The following MPP3 variants were observed in gnomAD, a reference collection of about 807,000 sequenced individuals.
MPP3 encodes the protein MAGUK p55 scaffold protein 3, also known as MAGUK p55 subfamily member 3.
A neutral mutation model predicts 80.7 loss-of-function variants in MPP3; 48 were observed. The observed-to-expected ratio is 0.59, with a 90% CI of 0.47 to 0.76. The LOEUF (loss-of-function observed/expected upper bound fraction) is 0.76. MPP3 is among the 30% of genes least tolerant of loss of function. The probability of loss-of-function intolerance (pLI) is 0.00; values close to 1 mark genes in which losing one functional copy is unlikely to be tolerated. For missense variants in MPP3, 620 were observed against 763.0 expected (o/e 0.81, Z 2.21); for synonymous variants, 311 against 297.6 (o/e 1.04, Z -0.46).
intron 11 of MPP3, among the ~76,000 whole-genome samples, chr17:43,820,605 TACACACAC>T (rs61249899): frequency 0.044 from 5,495 of 125,256 alleles, 375 homozygotes; most frequent in African/African-American, 0.15. Flanking sequence ...AAAAAAAAAA[TACACACAC>T]ACACACACAC....
chr17:43,816,341 G>C (rs2045129835), intron 13 of MPP3, among the ~76,000 whole-genome samples: 1 of 152,228 alleles, frequency 6.6e-6, no homozygotes, highest in South Asian at 2.1e-4. Flanking sequence ...CCCTGAGTGT[G>C]AGCAGTGTGA....
intron 14 of MPP3, 180 bp from the exon 15 acceptor site, chr17:43,814,541 T>G: frequency 1.8e-6 from 1 of 564,038 alleles, no homozygotes; most frequent in Non-Finnish European, 3.0e-6. Flanking sequence ...GATGAAAGGG[T>G]GACCCCTGCA....
At chr17:43,803,037 GA>G (rs2044476605) in intron 19 of MPP3, among the ~76,000 whole-genome samples, 2 of 152,136 alleles carry the variant, frequency 1.3e-5, no homozygotes, top group Non-Finnish European at 2.9e-5. Flanking sequence ...CTCCAGGAGG[GA>G]AAAAATTCGA....
chr17:43,825,648 C>T (rs2045658942), intron 9 of MPP3, 108 bp downstream of exon 9: 2 of 773,448 alleles, frequency 2.6e-6, no homozygotes, highest in East Asian at 2.6e-5. Flanking sequence ...CCTGCCACCT[C>T]CTCAGGACAA....
At chr17:43,811,084 G>A (rs750547534) in intron 17 of MPP3, 28 bp downstream of exon 17, 8 of 1,593,096 alleles carry the variant, frequency 5.0e-6, no homozygotes, top group South Asian at 3.3e-5. Context: ...ACTGCCTGGA[G>A]GGCCAACTGG....
At chr17:43,822,648 AAC>A (rs755260837) in intron 10 of MPP3, among the ~76,000 whole-genome samples, 1 of 135,974 alleles carries the variant, frequency 7.4e-6, no homozygotes, top group East Asian at 2.0e-4. Flanking sequence ...AGCTTTCTAA[AAC>A]ACAAATATAA....
At chr17:43,817,940 C>A in intron 12 of MPP3, 106 bp downstream of exon 12, 1 of 842,606 alleles carries the variant, frequency 1.2e-6, no homozygotes, top group Non-Finnish European at 1.8e-6. Context: ...TCAGACAAGA[C>A]CCCTGATGCC....
intron 10 of MPP3, among the ~76,000 whole-genome samples, chr17:43,822,310 T>C (rs2045497819): frequency 6.6e-6 from 1 of 152,234 alleles, no homozygotes; most frequent in Non-Finnish European, 1.5e-5. Context: ...AAGTATCGAC[T>C]GACATCTCCT....
Position 43,809,088 on chromosome 17 carries a change from A to G in MPP3, c.1459-10T>C. On this transcript the variant is annotated splice_polypyrimidine_tract_variant and intron_variant, in intron 18 of 19. Transcript: ENST00000398389. ...TCAGTTGTTTCAGTGCCTGAGAAAG[A>G]AAGTTCAGGAATATTATATACTTTT... The G allele has an allele frequency of 1.3e-6, 2 of 1,578,384 alleles. No homozygotes were observed. The highest frequency in any genetic ancestry group is 8.5e-7 in the Non-Finnish European group (1 of 1,170,600).
chr17:43,804,116 C>T (rs1477903488), intron 19 of MPP3, among the ~76,000 whole-genome samples: 1 of 152,136 alleles, frequency 6.6e-6, no homozygotes, highest in African/African-American at 2.4e-5. Context: ...CCAGTGACTT[C>T]TTGACTCTTT....
At chr17:43,826,113 T>G (rs1248081235) in intron 8 of MPP3, among the ~76,000 whole-genome samples, 2 of 152,250 alleles carry the variant, frequency 1.3e-5, no homozygotes, top group African/African-American at 4.8e-5. Context: ...AAGGCCACAT[T>G]GCTGAGAAAT....
intron 14 of MPP3, 143 bp downstream of exon 14, chr17:43,815,895 A>T: frequency 1.3e-6 from 1 of 788,980 alleles, no homozygotes. Context: ...GGTTGAGAGA[A>T]CTGAGGAGAG....
chr17:43,831,667 T>C lies in MPP3; in HGVS notation c.36A>G (p.Glu12=), dbSNP rs1413818638. 1 of 1,610,666 alleles carries C rather than the reference T, an allele frequency of 6.2e-7. No homozygotes were observed. The highest frequency in any genetic ancestry group is 8.5e-7 in the Non-Finnish European group (1 of 1,177,842). Residue 12 remains glutamate (E), a synonymous_variant, in exon 4 of 20, where the codon GAA becomes GAG. Transcript: ENST00000398389. ...PVLSEDSGLH[E]TLALLTSQLR... is the part of the protein sequence containing the mutation. Reference sequence around the variant, plus strand: ...GCTGGGAGGTCAGCAGGGCCAGGGTTTCATGCAAACCTGGGGAGAGGTGAG... The same window carrying C: ...GCTGGGAGGTCAGCAGGGCCAGGGTCTCATGCAAACCTGGGGAGAGGTGAG...
chr17:43,817,197 C>T (rs997426977), intron 12 of MPP3, among the ~76,000 whole-genome samples: 3 of 152,194 alleles, frequency 2.0e-5, no homozygotes, highest in African/African-American at 7.2e-5. Context: ...CCTCTAGTAC[C>T]AGAGAGACCA....
intron 19 of MPP3, among the ~76,000 whole-genome samples, chr17:43,807,929 C>T (rs903412661): frequency 2.0e-5 from 3 of 151,474 alleles, no homozygotes; most frequent in African/African-American, 7.3e-5. Context: ...CACTGCACTC[C>T]AGTCTGGGCA....
At chr17:43,829,870 A>G (rs1598370282) in intron 6 of MPP3, 79 bp from the exon 7 acceptor site, 1 of 1,597,676 alleles carries the variant, frequency 6.3e-7, no homozygotes, top group East Asian at 2.2e-5. Context: ...GGTGGTATGG[A>G]GGGTGGCAGA....
At chr17:43,832,135 G>C (rs2045995119) in intron 2 of MPP3, 192 bp from the exon 3 acceptor site, 1 of 580,632 alleles carries the variant, frequency 1.7e-6, no homozygotes, top group East Asian at 3.1e-5. Context: ...GATGTGCCAA[G>C]CATTGTGTGG....
At chr17:43,810,959 T>C in intron 17 of MPP3, 44 bp from the exon 18 acceptor site, 3 of 1,516,126 alleles carry the variant, frequency 2.0e-6, no homozygotes, top group Non-Finnish European at 2.7e-6. Context: ...TTCCTCAGCT[T>C]TCCTAAATTA....
At position 43,825,752 on chromosome 17, in the gene MPP3, G is replaced by C. The variant is rs554038797; in HGVS notation, c.609+4C>G. 2 of 1,600,548 alleles carry C rather than the reference G, an allele frequency of 1.2e-6. No individual in the cohort carries two copies. The highest frequency in any genetic ancestry group is 1.3e-5 in the African/African-American group (1 of 74,674). ...CACATCCCTAGCAGGCTTGTAGCAC[G>C]GACCAGAATCTGGCTGATCTCGTCG... On this transcript the variant is annotated splice_donor_region_variant and intron_variant, in intron 9 of 19. Coordinates refer to ENST00000398389, the MANE Select transcript of MPP3 (RefSeq NM_001932.6).
Sources: gnomAD v4.1 joint callset for allele counts (sites outside exome capture counted in the v4.1 genomes callset) on GRCh38, gnomAD v4.1.1 for gene constraint, MANE v1.5 for transcripts, NCBI Gene and HGNC (gene_info 2026-07-23, HGNC 2026-07-21) for gene names.